The following CCDC138 variants were observed in gnomAD, a reference collection of about 807,000 sequenced individuals.
The protein encoded by CCDC138 is coiled-coil domain-containing protein 138.
CCDC138 carries 66 observed loss-of-function variants against 82.3 expected under a neutral mutation model. That is an observed-to-expected ratio of 0.80 (90% CI 0.66 to 0.98). The LOEUF (loss-of-function observed/expected upper bound fraction) is 0.98. Ranked by LOEUF, CCDC138 falls within the 50% of genes least tolerant of loss-of-function variation. The probability of loss-of-function intolerance (pLI) is 0.00; values close to 1 mark genes in which losing one functional copy is unlikely to be tolerated. For synonymous variants in CCDC138, 297 were observed against 265.4 expected (o/e 1.12, Z -1.16); for missense variants, 816 against 758.9 (o/e 1.08, Z -0.88).
chr2:108,849,513 C>G (rs1691072428), intron 12 of CCDC138, among the ~76,000 whole-genome samples: 1 of 152,126 alleles, frequency 6.6e-6, no homozygotes, highest in African/African-American at 2.4e-5. Flanking sequence ...GCTTCATCAC[C>G]TCTCCCTAGA....
chr2:108,806,191 C>G (rs1682852604), intron 7 of CCDC138, among the ~76,000 whole-genome samples: 1 of 152,120 alleles, frequency 6.6e-6, no homozygotes, highest in Admixed American at 6.6e-5. Context: ...AATTTGACAG[C>G]CTGTTGTCTG....
At chr2:108,858,163 G>A (rs758975656) in intron 13 of CCDC138, among the ~76,000 whole-genome samples, 1 of 152,172 alleles carries the variant, frequency 6.6e-6, no homozygotes, top group Non-Finnish European at 1.5e-5. Flanking sequence ...GGCCAACACG[G>A]TGAAACCCCG....
chr2:108,879,872 T>G (rs1696240883), downstream of CCDC138, among the ~76,000 whole-genome samples: 1 of 152,156 alleles, frequency 6.6e-6, no homozygotes, highest in African/African-American at 2.4e-5. Context: ...AACCTTCAAA[T>G]TTATTGGAAT....
At chr2:108,790,263 G>A (rs911982121) in intron 3 of CCDC138, among the ~76,000 whole-genome samples, 4 of 152,092 alleles carry the variant, frequency 2.6e-5, no homozygotes, top group African/African-American at 9.7e-5. Flanking sequence ...TGCTTTTAAG[G>A]TAATAATTAT....
intron 10 of CCDC138, among the ~76,000 whole-genome samples, chr2:108,832,484 A>T (rs1687873767): frequency 1.3e-5 from 2 of 150,852 alleles, no homozygotes; most frequent in South Asian, 4.2e-4. Context: ...AGTAGCTGGG[A>T]TTACAGGCAT....
intron 10 of CCDC138, among the ~76,000 whole-genome samples, chr2:108,824,905 A>G (rs1020436575): frequency 6.6e-6 from 1 of 152,216 alleles, no homozygotes; most frequent in South Asian, 2.1e-4. Flanking sequence ...ATATGTGGTC[A>G]GTTGACCGAA....
At chr2:108,874,677 A>C (rs916283949) in intron 14 of CCDC138, among the ~76,000 whole-genome samples, 2 of 152,094 alleles carry the variant, frequency 1.3e-5, no homozygotes, top group Non-Finnish European at 2.9e-5. Flanking sequence ...CATATGTTCT[A>C]TTTGGTAACA....
intron 12 of CCDC138, among the ~76,000 whole-genome samples, chr2:108,849,614 C>T (rs1691099011): frequency 1.3e-5 from 2 of 152,138 alleles, no homozygotes; most frequent in Admixed American, 1.3e-4. Context: ...AAGGTTCCTG[C>T]CTAACAGATA....
chr2:108,853,983 AATATATAATAAATTTATATT>A (rs1370970852), intron 12 of CCDC138, among the ~76,000 whole-genome samples: 2 of 9,424 alleles, frequency 2.1e-4, no homozygotes, highest in South Asian at 3.5e-3. Context: ...TATAATATAT[AATATATAATAAATTTATATT>A]ATATATAATA....
At chr2:108,847,240 C>T (rs529196121) in intron 12 of CCDC138, among the ~76,000 whole-genome samples, 72 of 152,240 alleles carry the variant, frequency 4.7e-4, no homozygotes, top group African/African-American at 1.7e-3. Context: ...TTTCCACTAG[C>T]GAATGTGTTG....
intron 5 of CCDC138, among the ~76,000 whole-genome samples, chr2:108,795,836 C>G (rs1680773675): frequency 6.6e-6 from 1 of 152,076 alleles, no homozygotes; most frequent in African/African-American, 2.4e-5. Context: ...AATGAAAACT[C>G]AGGCTGGGTA....
chr2:108,843,207 G>C (rs1238867886), intron 11 of CCDC138, among the ~76,000 whole-genome samples: 3 of 152,100 alleles, frequency 2.0e-5, no homozygotes, highest in African/African-American at 7.2e-5. Context: ...GCCCAGGCTA[G>C]AGTGCAGTGG....
chr2:108,858,201 G>A (rs1339926754), intron 13 of CCDC138, among the ~76,000 whole-genome samples: 3 of 152,078 alleles, frequency 2.0e-5, no homozygotes, highest in Non-Finnish European at 2.9e-5. Context: ...AAAATTAGCC[G>A]GGCATGGTGG....
At chr2:108,845,593 A>C (rs1690304185) in intron 11 of CCDC138, among the ~76,000 whole-genome samples, 2 of 128,596 alleles carry the variant, frequency 1.6e-5, no homozygotes, top group Admixed American at 1.8e-4. Flanking sequence ...TTTTTTTGAG[A>C]TGGAGTCTCG....
chr2:108,804,873 T>A lies in CCDC138; in HGVS notation c.736-16T>A. 6.7e-7 allele frequency: 1 copy of A among 1,495,156 alleles called. No homozygotes were observed. Among genetic ancestry groups the A allele is most frequent in the Non-Finnish European group, 8.9e-7 (1 of 1,129,718 alleles). The allele number at this position is 1,495,156 out of a possible 1,614,324, so 92.6% of individuals were successfully genotyped here. The stretch of plus-strand genomic sequence containing the variant: ...CTTACAAGTTTTAGATGAGAGTTTT[T>A]TTTTTCTCCTCCTAGCAGCATGATG... On this transcript the variant is annotated splice_polypyrimidine_tract_variant and intron_variant, in intron 6 of 14. Coordinates refer to ENST00000295124, the MANE Select transcript of CCDC138 (RefSeq NM_144978.3).
chr2:108,787,281 G>A (rs1679017810), intron 1 of CCDC138, among the ~76,000 whole-genome samples: 1 of 152,214 alleles, frequency 6.6e-6, no homozygotes, highest in South Asian at 2.1e-4. Context: ...AGTTGCTGCA[G>A]TATTACCAAG....
intron 3 of CCDC138, among the ~76,000 whole-genome samples, chr2:108,789,402 G>C (rs1206669501): frequency 6.6e-6 from 1 of 152,048 alleles, no homozygotes; most frequent in East Asian, 1.9e-4. Context: ...AGACCATCCT[G>C]GCCAACATGG....
chr2:108,866,598 A>T (rs1694446756), intron 13 of CCDC138, among the ~76,000 whole-genome samples: 1 of 152,182 alleles, frequency 6.6e-6, no homozygotes, highest in Admixed American at 6.5e-5. Context: ...GAAATGATTA[A>T]AATAGGCCAG....
intron 10 of CCDC138, among the ~76,000 whole-genome samples, chr2:108,838,698 A>G (rs919825481): frequency 3.3e-5 from 5 of 152,172 alleles, no homozygotes; most frequent in Admixed American, 2.0e-4. Context: ...ATAAACAAGT[A>G]AATAGTACTC....
Sources: gnomAD v4.1 joint callset for allele counts (sites outside exome capture counted in the v4.1 genomes callset) on GRCh38, gnomAD v4.1.1 for gene constraint, MANE v1.5 for transcripts, NCBI Gene and HGNC (gene_info 2026-07-23, HGNC 2026-07-21) for gene names.